Variants in CDC14A observed in about 807,000 individuals in gnomAD.
The protein encoded by CDC14A is cell division cycle 14A.
CDC14A carries 53 observed loss-of-function variants against 74.4 expected under a neutral mutation model. The ratio of observed to expected loss-of-function variants is 0.71; its 90% CI spans 0.57 to 0.89. The LOEUF (loss-of-function observed/expected upper bound fraction) is 0.89. Among genes scored for constraint, CDC14A ranks in the 40% least tolerant of loss-of-function variants. The pLI is 0.00. For missense variants in CDC14A, 646 were observed against 713.7 expected (o/e 0.91, Z 1.08); for synonymous variants, 247 against 258.4 (o/e 0.96, Z 0.43).
At chr1:100,445,602 A>T (rs1665445705) in intron 7 of CDC14A, among the ~76,000 whole-genome samples, 1 of 152,200 alleles carries the variant, frequency 6.6e-6, no homozygotes. Context: ...TGGATGTTTT[A>T]TTTATTCCTT....
intron 4 of CDC14A, among the ~76,000 whole-genome samples, chr1:100,406,005 C>T (rs933362945): frequency 1.3e-5 from 2 of 152,122 alleles, no homozygotes; most frequent in African/African-American, 2.4e-5. Context: ...AGAGTGTAAA[C>T]ATGTCCATTT....
intron 4 of CDC14A, among the ~76,000 whole-genome samples, chr1:100,404,858 AAAAC>A (rs371282777): frequency 0.12 from 16,571 of 133,652 alleles, 1,077 homozygotes; most frequent in Non-Finnish European, 0.15. Flanking sequence ...AAAACAAAAC[AAAAC>A]AAAAAACTAA....
At chr1:100,393,024 A>G (rs923600265) in intron 4 of CDC14A, 2 of 1,354,546 alleles carry the variant, frequency 1.5e-6, no homozygotes, top group Non-Finnish European at 2.1e-6. Flanking sequence ...TACCCGCGAA[A>G]TTGTCTTTTC....
chr1:100,414,181 C>T (rs1361175372), intron 4 of CDC14A, among the ~76,000 whole-genome samples: 1 of 152,026 alleles, frequency 6.6e-6, no homozygotes, highest in Non-Finnish European at 1.5e-5. Context: ...AAATATTATC[C>T]TTGGCAAGGC....
rs181678449 is a variant in CDC14A, at chr1:100,357,221, A to G, written c.140+3369A>G. Among the ~76,000 whole-genome samples the G allele has an allele frequency of 5.6e-3, 854 of 152,290 alleles. 7 individuals are homozygous for G. The highest frequency in any genetic ancestry group is 0.02 in the African/African-American group (820 of 41,546). The stretch of plus-strand genomic sequence containing the variant: ...TAAATTTGGGAATTTTCCCAAAGAG[A>G]CTAATAAAGCTGTGAGAATGATGCG... On this transcript the variant is annotated intron_variant, in intron 2 of 15. Transcript: ENST00000336454.
chr1:100,391,828 A>G (rs1022432933), intron 4 of CDC14A, among the ~76,000 whole-genome samples: 7 of 152,246 alleles, frequency 4.6e-5, no homozygotes, highest in African/African-American at 1.7e-4. Context: ...ACTGTCAGCC[A>G]GGCTGTGGGC....
chr1:100,459,811 G>A (rs560480886), intron 8 of CDC14A, among the ~76,000 whole-genome samples: 4 of 152,270 alleles, frequency 2.6e-5, no homozygotes, highest in South Asian at 2.1e-4. Context: ...AAGCACTCAC[G>A]TACATCCGTA....
intron 11 of CDC14A, chr1:100,485,257 A>C (rs935232187): frequency 1.0e-6 from 1 of 985,388 alleles, no homozygotes. Flanking sequence ...AGGGTTGTTT[A>C]GTAGTGGGGC....
At chr1:100,468,245 G>A (rs1316240091) in intron 10 of CDC14A, 151 bp downstream of exon 10, 1 of 856,792 alleles carries the variant, frequency 1.2e-6, no homozygotes, top group Admixed American at 2.3e-5. Flanking sequence ...TTGTTGATTT[G>A]ACAGCTAATG....
At chr1:100,461,244 T>C (rs1667284831) in intron 8 of CDC14A, among the ~76,000 whole-genome samples, 1 of 152,078 alleles carries the variant, frequency 6.6e-6, no homozygotes, top group Non-Finnish European at 1.5e-5. Context: ...GTTTAGTGCC[T>C]CCCATTTTTA....
At chr1:100,356,982 G>A (rs1031629200) in intron 2 of CDC14A, among the ~76,000 whole-genome samples, 11 of 151,996 alleles carry the variant, frequency 7.2e-5, no homozygotes, top group Admixed American at 6.6e-4. Flanking sequence ...GGAGGGTGGC[G>A]TGGAGGGGTG....
rs539984334 is a variant in CDC14A at position 100,388,506 on chromosome 1, C to T, written c.217-2226C>T. On this transcript the variant is annotated intron_variant, in intron 3 of 15. Coordinates refer to ENST00000336454, the MANE Select transcript of CDC14A (RefSeq NM_003672.4). The stretch of plus-strand genomic sequence containing the variant: ...GAATTAAATGCTGTGCCTTTGTTCT[C>T]TCTTTATTTCATAGGAGTATTTGTA... Among the ~76,000 whole-genome samples, 14 of 152,284 alleles carry T rather than the reference C, an allele frequency of 9.2e-5. No individual in the cohort carries two copies. The South Asian group carries it at 2.9e-3, about 32-fold the overall frequency.
intron 4 of CDC14A, chr1:100,393,017 C>T: frequency 7.5e-7 from 1 of 1,331,964 alleles, no homozygotes; most frequent in South Asian, 1.3e-5. Flanking sequence ...ACTTTTCTAC[C>T]CGCGAAATTG....
At position 100,484,407 on chromosome 1, in the gene CDC14A, G is replaced by A; in HGVS notation, c.1093G>A (p.Gly365Ser). 6.2e-7 allele frequency: 1 copy of A among 1,606,234 alleles called. No individual in the cohort carries two copies. The highest frequency in any genetic ancestry group is 8.5e-7 in the Non-Finnish European group (1 of 1,176,520). Residue 365 changes from glycine (G) to serine (S), a missense_variant, in exon 11 of 16, where the codon GGT (glycine) becomes AGT (serine). Transcript: ENST00000336454. ...TTCTGGCCTAGATGATATGTCTATT[G>A]GTGGAAATCTTTCAAAAACACAAAA... ...ILSGLDDMSIGGNLSKTQNME... is the reference protein window; with the variant it reads ...ILSGLDDMSISGNLSKTQNME...
At chr1:100,454,168 T>G (rs1335911695) in intron 7 of CDC14A, among the ~76,000 whole-genome samples, 1 of 152,208 alleles carries the variant, frequency 6.6e-6, no homozygotes, top group African/African-American at 2.4e-5. Context: ...TCCAATTTGT[T>G]TAACAAATAT....
chr1:100,393,969 A>G (rs1658105048), intron 4 of CDC14A: 1 of 256,940 alleles, frequency 3.9e-6, no homozygotes, highest in Non-Finnish European at 7.4e-6. Flanking sequence ...AAAAATATAT[A>G]TATATATAGC....
intron 15 of CDC14A, among the ~76,000 whole-genome samples, chr1:100,502,517 G>A (rs1017024576): frequency 1.3e-5 from 2 of 152,306 alleles, no homozygotes; most frequent in Admixed American, 6.5e-5. Context: ...GCACTCTATC[G>A]TGCACACAGC....
chr1:100,507,676 ATT>A (rs34870212), intron 15 of CDC14A, among the ~76,000 whole-genome samples: 1 of 146,396 alleles, frequency 6.8e-6, no homozygotes, highest in Non-Finnish European at 1.5e-5. Context: ...TAGCCCCACA[ATT>A]TTTTTTTTTA....
intron 2 of CDC14A, among the ~76,000 whole-genome samples, chr1:100,373,961 C>A (rs575677636): frequency 2.0e-5 from 3 of 152,260 alleles, no homozygotes; most frequent in Non-Finnish European, 4.4e-5. Context: ...TACCTCCCCC[C>A]ACCCCACAAC....
Sources: gnomAD v4.1 joint callset for allele counts (sites outside exome capture counted in the v4.1 genomes callset) on GRCh38, gnomAD v4.1.1 for gene constraint, MANE v1.5 for transcripts, NCBI Gene and HGNC (gene_info 2026-07-23, HGNC 2026-07-21) for gene names.